The following BRAF variants were observed in gnomAD, a reference collection of about 807,000 sequenced individuals.
The protein encoded by BRAF is serine/threonine-protein kinase B-raf.
Under a neutral mutation model 104.6 loss-of-function variants are expected in BRAF, and 16 were observed. That is an observed-to-expected ratio of 0.15 (90% CI 0.10 to 0.23). The LOEUF is 0.23. Among genes scored for constraint, BRAF ranks in the 10% least tolerant of loss-of-function variants. The probability of loss-of-function intolerance (pLI) is 1.00; values close to 1 mark genes in which losing one functional copy is unlikely to be tolerated. For synonymous variants in BRAF, 310 were observed against 341.6 expected, an observed-to-expected ratio of 0.91 and a Z score of 1.02; for missense variants, 541 against 937.3, an observed-to-expected ratio of 0.58 and a Z score of 5.52.
chr7:140,785,085 G>A (rs866815378), intron 10 of BRAF, among the ~76,000 whole-genome samples: 2 of 152,210 alleles, frequency 1.3e-5, no homozygotes, highest in South Asian at 4.2e-4. Context: ...GAAGTACACT[G>A]AAATATCTAA....
intron 1 of BRAF, among the ~76,000 whole-genome samples, chr7:140,866,124 G>A (rs996273065): frequency 1.3e-5 from 2 of 152,182 alleles, no homozygotes; most frequent in Non-Finnish European, 2.9e-5. Context: ...CTGAATTTTC[G>A]GAAAGGAGCT....
At chr7:140,784,859 C>T (rs779581565) in intron 10 of BRAF, among the ~76,000 whole-genome samples, 1 of 152,098 alleles carries the variant, frequency 6.6e-6, no homozygotes, top group African/African-American at 2.4e-5. Context: ...ATTGACCAGG[C>T]TGGTCTCAAA....
chr7:140,902,652 G>A (rs1815787700), intron 1 of BRAF, among the ~76,000 whole-genome samples: 1 of 152,168 alleles, frequency 6.6e-6, no homozygotes, highest in African/African-American at 2.4e-5. Context: ...AGCAAAACAG[G>A]CCGGGCACTA....
rs1416085734 is a variant in BRAF at position 140,924,523 on chromosome 7, G to A, written c.138+43C>T. The A allele has an allele frequency of 5.9e-6, 9 of 1,533,100 alleles. No homozygotes were observed. Among genetic ancestry groups the A allele is most frequent in the Non-Finnish European group, 7.9e-6 (9 of 1,145,638 alleles). The allele number at this position is 1,533,100 out of a possible 1,614,324, so 95.0% of individuals were successfully genotyped here. A position where few individuals can be genotyped will look rare whatever the true frequency, so the allele number is the denominator to read the frequency against. On this transcript the variant is annotated intron_variant, in intron 1 of 19. Coordinates refer to ENST00000644969, the MANE Select transcript of BRAF (RefSeq NM_001374258.1). The surrounding 1 kb of genome is among the most constrained non-coding windows in gnomAD (Gnocchi z 4.2). ...CCAAAATAAACACCAGCCAGCCGCCGAGCCCGGAGTCGGGAGGGCGGCAGG... is the reference window on the plus strand; with the variant it reads ...CCAAAATAAACACCAGCCAGCCGCCAAGCCCGGAGTCGGGAGGGCGGCAGG...
intron 1 of BRAF, among the ~76,000 whole-genome samples, chr7:140,922,395 T>C (rs971763256): frequency 1.3e-5 from 2 of 152,126 alleles, no homozygotes; most frequent in African/African-American, 2.4e-5. Context: ...GGGGGTACAG[T>C]TCCAAACAAT....
intron 1 of BRAF, among the ~76,000 whole-genome samples, chr7:140,860,475 A>G (rs1563000505): frequency 6.8e-6 from 1 of 147,026 alleles, no homozygotes; most frequent in Non-Finnish European, 1.5e-5. Flanking sequence ...GAAAAAAAAA[A>G]AAAAAAGAAA....
At chr7:140,871,104 T>C (rs1811533843) in intron 1 of BRAF, among the ~76,000 whole-genome samples, 1 of 150,348 alleles carries the variant, frequency 6.7e-6, no homozygotes, top group Non-Finnish European at 1.5e-5. Flanking sequence ...TGGCTGGGCA[T>C]GGTGACACGT....
chr7:140,886,759 T>C (rs979992455), intron 1 of BRAF, among the ~76,000 whole-genome samples: 2 of 152,200 alleles, frequency 1.3e-5, no homozygotes, highest in Non-Finnish European at 2.9e-5. Context: ...ATTCAGAATT[T>C]GCGTGTGTGT....
At chr7:140,734,292 G>T in intron 19 of BRAF, 1 of 1,234,084 alleles carries the variant, frequency 8.1e-7, no homozygotes, top group Non-Finnish European at 1.0e-6. Flanking sequence ...ATGAGAAACT[G>T]AAGTTTACTA....
intron 7 of BRAF, among the ~76,000 whole-genome samples, chr7:140,798,648 C>T (rs774529361): frequency 4.0e-5 from 6 of 149,822 alleles, no homozygotes; most frequent in Admixed American, 1.3e-4. Context: ...AGTACACAGA[C>T]CTGTGTCAGA....
At chr7:140,737,408 A>C (rs905183331) in intron 18 of BRAF, among the ~76,000 whole-genome samples, 2 of 152,202 alleles carry the variant, frequency 1.3e-5, no homozygotes, top group African/African-American at 4.8e-5. Context: ...TTTGCATTTT[A>C]CTGACTGCCA....
chr7:140,800,342 G>C lies in BRAF; in HGVS notation c.980+20C>G, dbSNP rs898584203. ...GCGGTTCAAGTAGCATGTCGCCCAA[G>C]AGCAGAAGTCAAACCATACCCAATA... On this transcript the variant is annotated intron_variant, in intron 7 of 19. Coordinates refer to ENST00000644969, the MANE Select transcript of BRAF (RefSeq NM_001374258.1). 1.2e-6 allele frequency: 2 copies of C among 1,613,858 alleles called. No individual in the cohort carries two copies. The highest frequency in any genetic ancestry group is 1.3e-5 in the African/African-American group (1 of 74,922).
At chr7:140,716,146 G>A (rs1038589510), downstream of BRAF, among the ~76,000 whole-genome samples, 10 of 152,128 alleles carry the variant, frequency 6.6e-5, no homozygotes, top group African/African-American at 1.9e-4. Flanking sequence ...AAAGAAGAAT[G>A]GCCAGTTGAG....
At chr7:140,773,538 A>T (rs1267637) in intron 14 of BRAF, 2 of 152,118 alleles carry the variant, frequency 1.3e-5, no homozygotes, top group South Asian at 2.1e-4. Flanking sequence ...GGAAAGATAT[A>T]CATGTCCTAG....
intron 3 of BRAF, among the ~76,000 whole-genome samples, chr7:140,823,363 T>C (rs1046316934): frequency 1.2e-4 from 19 of 152,298 alleles, no homozygotes; most frequent in African/African-American, 4.6e-4. Context: ...TTCTACTCTG[T>C]GTCTCTGTGA....
Position 140,723,920 on chromosome 7 carries a change from C to T in BRAF, c.*2574G>A, listed in dbSNP as rs1405783795. 8.6e-6 allele frequency: 9 copies of T among 1,043,250 alleles called. No homozygotes were observed. Among genetic ancestry groups the T allele is most frequent in the Non-Finnish European group, 1.0e-5 (9 of 865,372 alleles). 64.6% of individuals were successfully genotyped at this position (1,043,250 alleles called of 1,614,324 possible). The stretch of plus-strand genomic sequence containing the variant: ...ATCAAAAAATAAAGCAGATAAAACA[C>T]AAATAAAACCTATTTTCATGTCATT... On this transcript the variant is annotated 3_prime_UTR_variant, in exon 20 of 20. Transcript: ENST00000644969.
intron 1 of BRAF, among the ~76,000 whole-genome samples, chr7:140,855,641 T>C (rs1312839404): frequency 6.6e-6 from 1 of 151,508 alleles, no homozygotes; most frequent in African/African-American, 2.4e-5. Context: ...ATTTTATATA[T>C]ATATTCATAT....
At chr7:140,797,691 G>C (rs564693824) in intron 7 of BRAF, among the ~76,000 whole-genome samples, 15 of 152,248 alleles carry the variant, frequency 9.9e-5, no homozygotes, top group African/African-American at 3.4e-4. Flanking sequence ...AAATGTCCTG[G>C]ATCATTACCA....
chr7:140,830,532 C>T (rs182632679), intron 3 of BRAF, among the ~76,000 whole-genome samples: 2 of 152,180 alleles, frequency 1.3e-5, no homozygotes. Context: ...CTTGGAATTT[C>T]CTAGGTGGTA....
Sources: allele counts gnomAD v4.1 joint callset (sites outside exome capture counted in the v4.1 genomes callset), GRCh38; gene constraint gnomAD v4.1.1; non-coding constraint Gnocchi (gnomAD v3.1); transcripts MANE v1.5; gene names NCBI Gene and HGNC (gene_info 2026-07-23, HGNC 2026-07-21).